Variants in RIT2 observed in about 807,000 individuals in gnomAD.
RIT2 encodes the protein GTP-binding protein Rit2.
Under a neutral mutation model 23.7 loss-of-function variants are expected in RIT2, and 24 were observed. The observed-to-expected ratio is 1.01, with a 90% CI of 0.73 to 1.43. RIT2 has a LOEUF of 1.43. RIT2 is among the 40% of genes most tolerant of loss of function. The probability of loss-of-function intolerance (pLI) is 0.00; values close to 1 mark genes in which losing one functional copy is unlikely to be tolerated. For synonymous variants in RIT2, 107 were observed against 91.1 expected, an observed-to-expected ratio of 1.17 and a Z score of -0.99; for missense variants, 236 against 266.9, an observed-to-expected ratio of 0.88 and a Z score of 0.81.
chr18:43,084,422 A>G (rs1483021916), intron 1 of RIT2, among the ~76,000 whole-genome samples: 1 of 152,222 alleles, frequency 6.6e-6, no homozygotes. Flanking sequence ...TCTACTATAA[A>G]GACACATGTA....
intron 2 of RIT2, among the ~76,000 whole-genome samples, chr18:43,019,725 T>C (rs1911553387): frequency 6.6e-6 from 1 of 151,892 alleles, no homozygotes; most frequent in Admixed American, 6.6e-5. Context: ...GACAACAAAT[T>C]GAAAATCAGT....
At chr18:42,999,546 G>T (rs1302698347) in intron 2 of RIT2, among the ~76,000 whole-genome samples, 1 of 152,024 alleles carries the variant, frequency 6.6e-6, no homozygotes, top group Non-Finnish European at 1.5e-5. Flanking sequence ...GTTTCCACTG[G>T]AGAAAAAGGA....
chr18:43,069,841 A>T (rs915426490), intron 1 of RIT2, among the ~76,000 whole-genome samples: 1 of 152,132 alleles, frequency 6.6e-6, no homozygotes, highest in African/African-American at 2.4e-5. Context: ...TTCTCAGCAC[A>T]GATGCCACTT....
rs557296235 is a variant in RIT2 at position 42,848,819 on chromosome 18, G to T, written c.426+74753C>A. On this transcript the variant is annotated intron_variant, in intron 4 of 4. Coordinates refer to ENST00000326695, the MANE Select transcript of RIT2 (RefSeq NM_002930.4). ...ATTCAACTTTAGGAGTTATTTATTA[G>T]AATAGTTTGATGATTGAAGCAATGT... Among the ~76,000 whole-genome samples the T allele has an allele frequency of 2.6e-5, 4 of 152,106 alleles. No individual in the cohort carries two copies. In the South Asian group the frequency reaches 8.3e-4, roughly 32 times the overall value.
At chr18:42,865,260 A>G (rs1452578170) in intron 4 of RIT2, among the ~76,000 whole-genome samples, 1 of 152,204 alleles carries the variant, frequency 6.6e-6, no homozygotes, top group East Asian at 1.9e-4. Context: ...GTCCCTGGGC[A>G]TGCTATGTTG....
chr18:43,036,543 C>A (rs1911981042), intron 1 of RIT2, among the ~76,000 whole-genome samples: 1 of 151,850 alleles, frequency 6.6e-6, no homozygotes, highest in Non-Finnish European at 1.5e-5. Context: ...CCATCCCCCG[C>A]TACCTCCCCC....
intron 4 of RIT2, among the ~76,000 whole-genome samples, chr18:42,890,644 A>T (rs1489522200): frequency 1.3e-5 from 2 of 152,060 alleles, no homozygotes; most frequent in Non-Finnish European, 2.9e-5. Flanking sequence ...AGAGCCAACA[A>T]AAAGGTCCAG....
At chr18:42,897,133 G>T (rs1001918878) in intron 4 of RIT2, among the ~76,000 whole-genome samples, 66 of 152,212 alleles carry the variant, frequency 4.3e-4, no homozygotes, top group Non-Finnish European at 2.9e-5. Context: ...AGCAATGAAA[G>T]AATGTGTCAT....
chr18:42,883,061 C>T lies in RIT2; in HGVS notation c.426+40511G>A, dbSNP rs186429358. On this transcript the variant is annotated intron_variant, in intron 4 of 4. Transcript: ENST00000326695. Reference sequence around the variant, plus strand: ...CTAAAAACCAATAGATACGTGTTTACGAGTTACAAAATAAAAACTCTTTTG... The same window carrying T: ...CTAAAAACCAATAGATACGTGTTTATGAGTTACAAAATAAAAACTCTTTTG... Among the ~76,000 whole-genome samples the T allele has an allele frequency of 5.7e-4, 87 of 151,984 alleles. 1 individual carries two copies. Among genetic ancestry groups the T allele is most frequent in the African/African-American group, 2.0e-3 (82 of 41,448 alleles).
intron 2 of RIT2, among the ~76,000 whole-genome samples, chr18:42,996,476 C>T (rs1317224303): frequency 6.6e-6 from 1 of 152,134 alleles, no homozygotes; most frequent in Non-Finnish European, 1.5e-5. Flanking sequence ...CCCATTCCTG[C>T]ATTAACTGAT....
chr18:42,824,078 G>GT (rs1906228267), intron 4 of RIT2, among the ~76,000 whole-genome samples: 1 of 152,056 alleles, frequency 6.6e-6, no homozygotes, highest in Admixed American at 6.6e-5. Flanking sequence ...AGTAAATGAT[G>GT]TTAAAAAATC....
chr18:42,980,497 G>C (rs975864151), intron 2 of RIT2, among the ~76,000 whole-genome samples: 1 of 151,894 alleles, frequency 6.6e-6, no homozygotes, highest in East Asian at 1.9e-4. Flanking sequence ...GTAGGTAATA[G>C]GGTAGTTGAT....
chr18:43,089,456 G>C (rs189528633), intron 1 of RIT2, among the ~76,000 whole-genome samples: 1 of 151,914 alleles, frequency 6.6e-6, no homozygotes, highest in Non-Finnish European at 1.5e-5. Context: ...AACATTCCAA[G>C]GTCATGGATA....
intron 3 of RIT2, among the ~76,000 whole-genome samples, chr18:42,928,100 T>C (rs1403805841): frequency 6.6e-6 from 1 of 151,988 alleles, no homozygotes; most frequent in East Asian, 1.9e-4. Context: ...TCTGAATCCC[T>C]TTTGGCCATC....
At chr18:42,793,473 G>T (rs149161295) in intron 4 of RIT2, among the ~76,000 whole-genome samples, 106 of 152,260 alleles carry the variant, frequency 7.0e-4, no homozygotes, top group African/African-American at 2.5e-3. Flanking sequence ...TGACTTCTCA[G>T]CCAGTCATCT....
At chr18:42,802,471 G>GA (rs1905566590) in intron 4 of RIT2, among the ~76,000 whole-genome samples, 1 of 152,154 alleles carries the variant, frequency 6.6e-6, no homozygotes. Context: ...GTGTTTTACG[G>GA]AAAATACTTA....
intron 4 of RIT2, among the ~76,000 whole-genome samples, chr18:42,820,550 A>G (rs1298607861): frequency 6.6e-6 from 1 of 152,078 alleles, no homozygotes; most frequent in East Asian, 1.9e-4. Context: ...AAGAAGGGTG[A>G]CATCAGACTT....
chr18:42,901,441 A>AG (rs1908473591), intron 4 of RIT2, among the ~76,000 whole-genome samples: 1 of 152,002 alleles, frequency 6.6e-6, no homozygotes, highest in South Asian at 2.1e-4. Context: ...TTTAATTGCA[A>AG]GGGGAACTGA....
intron 4 of RIT2, among the ~76,000 whole-genome samples, chr18:42,801,252 G>A (rs967220992): frequency 5.9e-5 from 9 of 152,120 alleles, no homozygotes; most frequent in South Asian, 4.1e-4. Context: ...ACTAATCCCA[G>A]ACTAGTTTTG....
Sources: gnomAD v4.1 joint callset for allele counts (sites outside exome capture counted in the v4.1 genomes callset) on GRCh38, gnomAD v4.1.1 for gene constraint, MANE v1.5 for transcripts, NCBI Gene and HGNC (gene_info 2026-07-23, HGNC 2026-07-21) for gene names.